DIS3L2: variants seen among roughly 807,000 people sequenced by gnomAD.
DIS3L2 encodes DIS3 like 3'-5' exoribonuclease 2.
A neutral mutation model predicts 97.5 loss-of-function variants in DIS3L2; 34 were observed. That is an observed-to-expected ratio of 0.35 (90% CI 0.27 to 0.46). The LOEUF is 0.46. DIS3L2 is among the 20% of genes least tolerant of loss of function. The pLI is 1.00. For missense variants in DIS3L2, 1,038 were observed against 1,146.0 expected (o/e 0.91, Z 1.36); for synonymous variants, 435 against 445.2 (o/e 0.98, Z 0.29).
At chr2:232,034,569 A>T (rs1694900916) in intron 5 of DIS3L2, among the ~76,000 whole-genome samples, 1 of 152,052 alleles carries the variant, frequency 6.6e-6, no homozygotes, top group South Asian at 2.1e-4. Context: ...TAGGGTGTTG[A>T]TTTTAAATTT....
intron 14 of DIS3L2, among the ~76,000 whole-genome samples, chr2:232,323,373 A>G (rs1575018609): frequency 6.6e-6 from 1 of 152,210 alleles, no homozygotes; most frequent in East Asian, 1.9e-4. Flanking sequence ...TTCGCTCCCC[A>G]TTACGGCCAC....
chr2:231,964,922 A>G (rs546967336), intron 1 of DIS3L2, among the ~76,000 whole-genome samples: 1 of 152,326 alleles, frequency 6.6e-6, no homozygotes, highest in East Asian at 1.9e-4. Flanking sequence ...TATAATTTGT[A>G]TTTGTATTGG....
At chr2:232,176,668 A>G (rs1218813309) in intron 9 of DIS3L2, among the ~76,000 whole-genome samples, 1 of 151,586 alleles carries the variant, frequency 6.6e-6, no homozygotes, top group African/African-American at 2.4e-5. Context: ...GGCTCACTAC[A>G]ACCTCCGCCT....
intron 5 of DIS3L2, among the ~76,000 whole-genome samples, chr2:232,066,232 C>T (rs1415198390): frequency 6.6e-6 from 1 of 151,808 alleles, no homozygotes; most frequent in African/African-American, 2.4e-5. Flanking sequence ...ATGAGGAAAG[C>T]CCTCTATCTT....
intron 9 of DIS3L2, among the ~76,000 whole-genome samples, chr2:232,176,613 G>C (rs1274241503): frequency 2.6e-5 from 4 of 151,234 alleles, no homozygotes; most frequent in African/African-American, 9.7e-5. Context: ...CTTGAGATGG[G>C]AGTCTCACTC....
intron 10 of DIS3L2, among the ~76,000 whole-genome samples, chr2:232,214,501 T>A (rs1029890488): frequency 6.6e-6 from 1 of 152,196 alleles, no homozygotes; most frequent in South Asian, 2.1e-4. Context: ...ACAGTTATCA[T>A]GTGTCTTCTG....
intron 9 of DIS3L2, among the ~76,000 whole-genome samples, chr2:232,175,656 T>C (rs1187852331): frequency 1.3e-5 from 2 of 152,122 alleles, no homozygotes; most frequent in Non-Finnish European, 2.9e-5. Context: ...TATAGTTTGG[T>C]GTACAAATGA....
chr2:231,986,190 T>G (rs1473027783), intron 1 of DIS3L2, among the ~76,000 whole-genome samples: 25 of 152,208 alleles, frequency 1.6e-4, no homozygotes, highest in Admixed American at 1.6e-3. Flanking sequence ...CTTTTGGACA[T>G]GGACTGAGCC....
intron 8 of DIS3L2, among the ~76,000 whole-genome samples, chr2:232,155,257 C>G (rs1007670147): frequency 6.6e-6 from 1 of 152,036 alleles, no homozygotes; most frequent in African/African-American, 2.4e-5. Flanking sequence ...GGTCCAATAA[C>G]TGGTATGACA....
intron 5 of DIS3L2, among the ~76,000 whole-genome samples, chr2:232,056,761 A>G (rs1695560268): frequency 6.6e-6 from 1 of 152,230 alleles, no homozygotes; most frequent in African/African-American, 2.4e-5. Context: ...GGCTGAAATA[A>G]ATAGGTAAAC....
At chr2:232,113,554 T>C (rs1697606857) in intron 6 of DIS3L2, among the ~76,000 whole-genome samples, 1 of 152,208 alleles carries the variant, frequency 6.6e-6, no homozygotes, top group Admixed American at 6.5e-5. Context: ...TAGAATGGTC[T>C]TCACCCTTTT....
At chr2:232,022,007 G>T (rs932296810) in intron 3 of DIS3L2, among the ~76,000 whole-genome samples, 4 of 152,204 alleles carry the variant, frequency 2.6e-5, no homozygotes, top group African/African-American at 9.6e-5. Context: ...GAAGACAGGA[G>T]ATGGGCAATT....
At chr2:232,194,744 C>A (rs1283620021) in intron 9 of DIS3L2, among the ~76,000 whole-genome samples, 1 of 152,124 alleles carries the variant, frequency 6.6e-6, no homozygotes, top group Non-Finnish European at 1.5e-5. Context: ...CAGTCCAGGG[C>A]TTGGTAAGGA....
rs1044743510 is a variant in DIS3L2 at position 232,027,922 on chromosome 2, G to C, written c.265-2057G>C. On this transcript the variant is annotated intron_variant, in intron 4 of 20. Coordinates refer to ENST00000325385, the MANE Select transcript of DIS3L2 (RefSeq NM_152383.5). The stretch of plus-strand genomic sequence containing the variant: ...ATCCTATTTGGGGATAGGATAAAGA[G>C]GAGAAAATTGATCAGATGGAAAAAC... Among the ~76,000 whole-genome samples, 5 of 152,302 alleles carry C rather than the reference G, an allele frequency of 3.3e-5. No homozygotes were observed. In the East Asian group the frequency reaches 7.7e-4, roughly 23 times the overall value.
intron 1 of DIS3L2, among the ~76,000 whole-genome samples, chr2:231,970,561 C>G (rs1489720484): frequency 3.3e-5 from 5 of 151,966 alleles, no homozygotes; most frequent in Non-Finnish European, 4.4e-5. Context: ...AGTAAAAATA[C>G]AATATAAAAG....
chr2:232,203,692 C>A (rs1244357608), intron 9 of DIS3L2, among the ~76,000 whole-genome samples: 1 of 152,170 alleles, frequency 6.6e-6, no homozygotes, highest in South Asian at 2.1e-4. Flanking sequence ...AAGTGGCCAC[C>A]AACATGCCAG....
intron 6 of DIS3L2, among the ~76,000 whole-genome samples, chr2:232,105,718 T>G (rs1484765098): frequency 6.6e-6 from 1 of 152,230 alleles, no homozygotes; most frequent in Non-Finnish European, 1.5e-5. Context: ...ATTGTTGGGA[T>G]GGAAACCTAA....
chr2:232,340,606 G>A (rs11677242), downstream of DIS3L2: 768 of 449,792 alleles, frequency 1.7e-3, 8 homozygotes, highest in African/African-American at 0.014. Flanking sequence ...CCCAGGCAGC[G>A]CTCAGGGCAT....
intron 5 of DIS3L2, among the ~76,000 whole-genome samples, chr2:232,030,563 A>G (rs1694777735): frequency 1.3e-5 from 2 of 152,230 alleles, no homozygotes. Flanking sequence ...CTGTGTTTTT[A>G]TAAATCAGGG....
Sources: allele counts gnomAD v4.1 joint callset (sites outside exome capture counted in the v4.1 genomes callset), GRCh38; gene constraint gnomAD v4.1.1; transcripts MANE v1.5; gene names NCBI Gene and HGNC (gene_info 2026-07-23, HGNC 2026-07-21).